The following UGT3A2 variants were observed in gnomAD, a reference collection of about 807,000 sequenced individuals.
UGT3A2 encodes UDP-glycosyltransferase 3A2.
UGT3A2 carries 32 observed loss-of-function variants against 39.8 expected under a neutral mutation model. The ratio of observed to expected loss-of-function variants is 0.80; its 90% CI spans 0.61 to 1.08. The LOEUF is 1.08. Among genes scored for constraint, UGT3A2 ranks in the 50% least tolerant of loss-of-function variants. UGT3A2 has a pLI of 0.00. For missense variants in UGT3A2, 611 were observed against 637.1 expected, an observed-to-expected ratio of 0.96 and a Z score of 0.44; for synonymous variants, 241 against 230.7, an observed-to-expected ratio of 1.04 and a Z score of -0.40.
chr5:36,061,340 G>C (rs1208477796), intron 2 of UGT3A2, among the ~76,000 whole-genome samples: 10 of 151,660 alleles, frequency 6.6e-5, no homozygotes, highest in Admixed American at 5.9e-4. Context: ...ACTGCACCCA[G>C]TAACTCGTCA....
chr5:36,037,840 C>G lies in UGT3A2; in HGVS notation c.1252G>C (p.Glu418Gln), dbSNP rs1235187617. 6.2e-7 allele frequency: 1 copy of G among 1,614,068 alleles called. No homozygotes were observed. Among genetic ancestry groups the G allele is most frequent in the African/African-American group, 1.3e-5 (1 of 74,932 alleles). ...TGTTTCATCTTAAGAGCCAATGTCT[C>G]TGCCTTGAGCTTCTTTAACTGAATA... Reference protein sequence around the residue: ...VSIQLKKLKAETLALKMKQIM... With the variant: ...VSIQLKKLKAQTLALKMKQIM... The change falls in exon 6 of 7, where the codon GAG becomes CAG. Residue 418 changes from glutamate (E) to glutamine (Q), a missense_variant. Glu to Gln is a conservative substitution (Grantham distance 29, BLOSUM62 2). Transcript: ENST00000282507.
intron 4 of UGT3A2, among the ~76,000 whole-genome samples, chr5:36,047,977 T>A (rs1442326925): frequency 1.3e-5 from 2 of 152,110 alleles, no homozygotes; most frequent in Admixed American, 6.6e-5. Flanking sequence ...AAAGCCCATA[T>A]CACCCATAGG....
At chr5:36,051,070 T>C (rs1742327152) in intron 3 of UGT3A2, among the ~76,000 whole-genome samples, 1 of 152,130 alleles carries the variant, frequency 6.6e-6, no homozygotes, top group Admixed American at 6.5e-5. Flanking sequence ...AAGTGTCAAA[T>C]GGGTGGATTA....
intron 2 of UGT3A2, among the ~76,000 whole-genome samples, chr5:36,059,219 C>T (rs578242542): frequency 1.8e-4 from 27 of 152,192 alleles, no homozygotes; most frequent in South Asian, 8.3e-4. Flanking sequence ...ACCAGATGAA[C>T]GAGAAACCCC....
chr5:36,058,623 G>GT (rs903858206), intron 2 of UGT3A2, among the ~76,000 whole-genome samples: 1 of 152,062 alleles, frequency 6.6e-6, no homozygotes, highest in African/African-American at 2.4e-5. Flanking sequence ...CTGACCAATC[G>GT]TTACCTCCTC....
At chr5:36,048,814 G>C (rs1742245055) in intron 4 of UGT3A2, 75 bp downstream of exon 4, 1 of 1,551,680 alleles carries the variant, frequency 6.4e-7, no homozygotes. Context: ...GGATCCTACT[G>C]GCAAGTGGCA....
At chr5:36,056,320 T>C (rs1044762740) in intron 2 of UGT3A2, among the ~76,000 whole-genome samples, 2 of 152,228 alleles carry the variant, frequency 1.3e-5, no homozygotes, top group African/African-American at 4.8e-5. Flanking sequence ...TAGTACGTCA[T>C]GTTTCTCCAG....
intron 6 of UGT3A2, among the ~76,000 whole-genome samples, chr5:36,037,128 C>T (rs1051086102): frequency 1.3e-5 from 2 of 152,110 alleles, no homozygotes; most frequent in African/African-American, 2.4e-5. Context: ...ACACAAGCTG[C>T]GCATGGTGGC....
Position 36,039,543 on chromosome 5 carries a change from G to C in UGT3A2, c.1009C>G (p.Pro337Ala). 6.2e-7 allele frequency: 1 copy of C among 1,614,168 alleles called. No homozygotes were observed. Among genetic ancestry groups the C allele is most frequent in the Non-Finnish European group, 8.5e-7 (1 of 1,180,040 alleles). ...TTTGCAGCCAGGTGGACATCTTTGG[G>C]CCAATGAGAACACTGACACTTCCAT... is the stretch of plus-strand genomic sequence containing the variant. Reference protein sequence around the residue: ...VIWKCQCSHWPKDVHLAANVK... With the variant: ...VIWKCQCSHWAKDVHLAANVK... Residue 337 changes from proline (P) to alanine (A), a missense_variant, in exon 5 of 7, where the codon CCC (proline) becomes GCC (alanine). Pro to Ala is a conservative substitution (Grantham distance 27, BLOSUM62 -1). Transcript: ENST00000282507.
In UGT3A2 at chr5:36,039,600, T is replaced by C; in HGVS notation, c.952A>G (p.Asn318Asp). ...QNPEIFKEMNNAFAHLPQGVI... is the reference protein window; with the variant it reads ...QNPEIFKEMNDAFAHLPQGVI... ...CCTTGGGGTAGGTGAGCAAAGGCAT[T>C]GTTCATCTCCTTGAAGATTTCCGGA... The change falls in exon 5 of 7, where the codon AAT becomes GAT. Residue 318 changes from asparagine (N) to aspartate (D), a missense_variant. Asn to Asp is a conservative substitution (Grantham distance 23, BLOSUM62 1). Transcript: ENST00000282507. 1 of 1,614,220 alleles carries C rather than the reference T, an allele frequency of 6.2e-7. No homozygotes were observed. The highest frequency in any genetic ancestry group is 8.5e-7 in the Non-Finnish European group (1 of 1,180,046).
At chr5:36,057,942 A>G (rs1447425768) in intron 2 of UGT3A2, among the ~76,000 whole-genome samples, 2 of 152,200 alleles carry the variant, frequency 1.3e-5, no homozygotes, top group African/African-American at 4.8e-5. Flanking sequence ...TTAAGAAATA[A>G]TTGTCTTAAA....
chr5:36,039,470 C>G lies in UGT3A2; in HGVS notation c.1075+7G>C, dbSNP rs2591715. On this transcript the variant is annotated splice_region_variant and intron_variant, in intron 5 of 6. Coordinates refer to ENST00000282507, the MANE Select transcript of UGT3A2 (RefSeq NM_174914.4). ...GAAGGAGAGGAGCAGTCCTGGGCAG[C>G]CCTTACCCAGGAGGTCACTCTGAGG... 1 of 1,612,148 alleles carries G rather than the reference C, an allele frequency of 6.2e-7. No individual in the cohort carries two copies. Among genetic ancestry groups the G allele is most frequent in the East Asian group, 2.2e-5 (1 of 44,874 alleles).
intron 4 of UGT3A2, among the ~76,000 whole-genome samples, chr5:36,048,060 G>A (rs894387434): frequency 2.6e-5 from 4 of 152,254 alleles, no homozygotes; most frequent in Admixed American, 2.0e-4. Flanking sequence ...CAAAGTCCAG[G>A]CCCTTAGGAC....
chr5:36,036,881 T>C (rs1244927711), intron 6 of UGT3A2, among the ~76,000 whole-genome samples: 1 of 152,230 alleles, frequency 6.6e-6, no homozygotes, highest in African/African-American at 2.4e-5. Context: ...TTACATGAGG[T>C]GTATTTTTCT....
chr5:36,059,149 G>A (rs373252329), intron 2 of UGT3A2, among the ~76,000 whole-genome samples: 2 of 152,198 alleles, frequency 1.3e-5, no homozygotes, highest in African/African-American at 4.8e-5. Context: ...ATCCTACAGG[G>A]ACTTGAGTGA....
chr5:36,046,278 G>A (rs1472721835), intron 4 of UGT3A2, among the ~76,000 whole-genome samples: 1 of 152,204 alleles, frequency 6.6e-6, no homozygotes, highest in Non-Finnish European at 1.5e-5. Flanking sequence ...CAAAAGAAAA[G>A]AAGTCACTAT....
intron 5 of UGT3A2, among the ~76,000 whole-genome samples, chr5:36,039,090 A>T (rs1741920786): frequency 6.6e-6 from 1 of 152,242 alleles, no homozygotes; most frequent in Admixed American, 6.5e-5. Flanking sequence ...ACTGGTGCTC[A>T]CAAAGTAACT....
At chr5:36,055,044 C>T (rs1281809447) in intron 2 of UGT3A2, among the ~76,000 whole-genome samples, 2 of 151,946 alleles carry the variant, frequency 1.3e-5, no homozygotes, top group East Asian at 3.9e-4. Context: ...GAGGCTGAGG[C>T]AGGAGAATCG....
chr5:36,035,836 C>A lies in UGT3A2; in HGVS notation c.1434G>T (p.Gln478His), dbSNP rs1187849740. The A allele has an allele frequency of 6.2e-7, 1 of 1,614,108 alleles. No individual in the cohort carries two copies. The highest frequency in any genetic ancestry group is 1.3e-5 in the African/African-American group (1 of 74,942). ...CGAGCAGGTACTGCTCATGCCAGGGCTGCTGAAAGACATAGGGCTTGAGGT... is the reference window on the plus strand; with the variant it reads ...CGAGCAGGTACTGCTCATGCCAGGGATGCTGAAAGACATAGGGCTTGAGGT... ...ATHLKPYVFQ[Q>H]PWHEQYLLDV... Residue 478 changes from glutamine (Q) to histidine (H), a missense_variant, in exon 7 of 7, where the codon CAG becomes CAT. Transcript: ENST00000282507.
Sources: allele counts gnomAD v4.1 joint callset (sites outside exome capture counted in the v4.1 genomes callset), GRCh38; gene constraint gnomAD v4.1.1; transcripts MANE v1.5; gene names NCBI Gene and HGNC (gene_info 2026-07-23, HGNC 2026-07-21).